The following DCUN1D1 variants were observed in gnomAD, a reference collection of about 807,000 sequenced individuals.
The protein encoded by DCUN1D1 is defective in cullin neddylation 1 domain containing 1.
In DCUN1D1, 3 loss-of-function variants were observed where a neutral mutation model predicts 39.0. The ratio of observed to expected loss-of-function variants is 0.08; its 90% CI spans 0.04 to 0.20. The LOEUF (loss-of-function observed/expected upper bound fraction) is 0.20. Among genes scored for constraint, DCUN1D1 ranks in the 10% least tolerant of loss-of-function variants. The probability of loss-of-function intolerance (pLI) is 1.00; values close to 1 mark genes in which losing one functional copy is unlikely to be tolerated. For missense variants in DCUN1D1, 158 were observed against 302.4 expected (o/e 0.52, Z 3.54); for synonymous variants, 82 against 96.3 (o/e 0.85, Z 0.87).
At position 182,957,281 on chromosome 3, in the gene DCUN1D1, T is replaced by C. The variant is rs943471250; in HGVS notation, c.520+3945A>G. ...GGATGCTACTTTGGGTAGGTTAAATTTTATAGAGGACTTATGAAATCCTTT... is the reference window on the plus strand; with the variant it reads ...GGATGCTACTTTGGGTAGGTTAAATCTTATAGAGGACTTATGAAATCCTTT... On this transcript the variant is annotated intron_variant, in intron 4 of 6. Coordinates refer to ENST00000292782, the MANE Select transcript of DCUN1D1 (RefSeq NM_020640.4). 2.6e-5 allele frequency among the ~76,000 whole-genome samples: 4 copies of C among 152,242 alleles called. 1 individual carries two copies. Among genetic ancestry groups the C allele is most frequent in the Admixed American group, 1.3e-4 (2 of 15,290 alleles).
At chr3:182,956,815 T>C (rs957977189) in intron 4 of DCUN1D1, among the ~76,000 whole-genome samples, 2 of 152,208 alleles carry the variant, frequency 1.3e-5, no homozygotes, top group African/African-American at 4.8e-5. Flanking sequence ...TATATAATCT[T>C]TGATCAAATT....
At chr3:182,978,089 A>T (rs1401942748) in intron 1 of DCUN1D1, among the ~76,000 whole-genome samples, 7 of 151,906 alleles carry the variant, frequency 4.6e-5, no homozygotes, top group Admixed American at 4.6e-4. Context: ...AAGTAACAGA[A>T]TATTATCTAA....
intron 1 of DCUN1D1, among the ~76,000 whole-genome samples, chr3:182,975,948 G>A (rs1007862799): frequency 2.0e-5 from 3 of 150,740 alleles, no homozygotes; most frequent in Non-Finnish European, 4.4e-5. Flanking sequence ...CTAGTAGAGT[G>A]TACCTTCTCG....
At chr3:182,980,431 G>A in intron 1 of DCUN1D1, 56 bp downstream of exon 1, 1 of 1,036,298 alleles carries the variant, frequency 9.6e-7, no homozygotes, top group Non-Finnish European at 1.2e-6. Flanking sequence ...GGGCGGGGGT[G>A]CGCGGCAGCG....
intron 4 of DCUN1D1, among the ~76,000 whole-genome samples, chr3:182,952,759 A>G (rs1396012003): frequency 6.6e-6 from 1 of 152,110 alleles, no homozygotes; most frequent in East Asian, 1.9e-4. Context: ...CTTCCTCATC[A>G]TACACAACCA....
chr3:182,980,642 C>CGGGGAGGCGGAGGGACGG (rs1728500828), upstream of DCUN1D1: 4 of 970,268 alleles, frequency 4.1e-6, no homozygotes, highest in Non-Finnish European at 3.7e-6. Context: ...CCCCGGACCT[C>CGGGGAGGCGGAGGGACGG]GGGGAGGCGG....
In DCUN1D1 at chr3:182,980,484, C is replaced by T; in HGVS notation, c.3+3G>A. The stretch of plus-strand genomic sequence containing the variant: ...GGGCGGGCGGGCGGCCGCAGTGCCT[C>T]ACCATGTTGGTGTCCTCCAGGCCTC... On this transcript the variant is annotated splice_donor_region_variant and intron_variant, in intron 1 of 6. Coordinates refer to ENST00000292782, the MANE Select transcript of DCUN1D1 (RefSeq NM_020640.4). 1 of 1,224,302 alleles carries T rather than the reference C, an allele frequency of 8.2e-7. No individual in the cohort carries two copies. Among genetic ancestry groups the T allele is most frequent in the African/African-American group, 1.6e-5 (1 of 62,372 alleles). 75.8% of individuals were successfully genotyped at this position (1,224,302 alleles called of 1,614,324 possible). A position where few individuals can be genotyped will look rare whatever the true frequency, so the allele number is the denominator to read the frequency against.
At chr3:182,967,430 C>T (rs956715888) in intron 1 of DCUN1D1, among the ~76,000 whole-genome samples, 1 of 152,056 alleles carries the variant, frequency 6.6e-6, no homozygotes. Flanking sequence ...ATACTTCTAC[C>T]GATCACAGTA....
chr3:182,947,221 G>A lies in DCUN1D1; in HGVS notation c.700+17C>T. Reference sequence around the variant, plus strand: ...AGGCACATTAAAAAAAAGTGGTGTGGCAAAAATTTTCATTACCTTCTTCAT... The same window carrying A: ...AGGCACATTAAAAAAAAGTGGTGTGACAAAAATTTTCATTACCTTCTTCAT... On this transcript the variant is annotated intron_variant, in intron 6 of 6. Transcript: ENST00000292782. The A allele has an allele frequency of 4.0e-6, 6 of 1,512,446 alleles. No homozygotes were observed. Among genetic ancestry groups the A allele is most frequent in the Non-Finnish European group, 4.5e-6 (5 of 1,110,078 alleles). The allele number at this position is 1,512,446 out of a possible 1,614,324, so 93.7% of individuals were successfully genotyped here. A position where few individuals can be genotyped will look rare whatever the true frequency, so the allele number is the denominator to read the frequency against.
intron 4 of DCUN1D1, among the ~76,000 whole-genome samples, chr3:182,958,302 G>A (rs1453850609): frequency 6.7e-6 from 1 of 149,990 alleles, no homozygotes; most frequent in East Asian, 1.9e-4. Flanking sequence ...TTTAGTTTTA[G>A]GTTTATGAAA....
At chr3:182,959,514 A>AAC (rs1372943992) in intron 4 of DCUN1D1, among the ~76,000 whole-genome samples, 5 of 150,942 alleles carry the variant, frequency 3.3e-5, no homozygotes, top group Non-Finnish European at 7.4e-5. Context: ...AAAAAAAAAA[A>AAC]AAAAAAAAAA....
In DCUN1D1 at chr3:182,941,628, A is replaced by G. The variant is rs1726137930; in HGVS notation, c.*3466T>C. 1 of 152,152 alleles carries G rather than the reference A, an allele frequency of 6.6e-6. No homozygotes were observed. The highest frequency in any genetic ancestry group is 1.9e-4 in the East Asian group (1 of 5,206). 9.4% of individuals were successfully genotyped at this position (152,152 alleles called of 1,614,324 possible). On this transcript the variant is annotated 3_prime_UTR_variant, in exon 7 of 7. Transcript: ENST00000292782. ...TCTTATGAAAACATCTAAGTATTCAATATAAATCATACTGTTAAAAGTATA... is the reference window on the plus strand; with the variant it reads ...TCTTATGAAAACATCTAAGTATTCAGTATAAATCATACTGTTAAAAGTATA...
chr3:182,978,052 AAC>A (rs1491541280), intron 1 of DCUN1D1, among the ~76,000 whole-genome samples: 6 of 127,222 alleles, frequency 4.7e-5, no homozygotes, highest in East Asian at 4.9e-4. Flanking sequence ...AAAAAAAAAA[AAC>A]AACAACAACA....
intron 3 of DCUN1D1, among the ~76,000 whole-genome samples, chr3:182,962,873 C>G (rs188800491): frequency 8.5e-5 from 13 of 152,202 alleles, no homozygotes; most frequent in Non-Finnish European, 1.9e-4. Flanking sequence ...CTCCGCCTCC[C>G]GGGTTCAAGC....
At chr3:182,962,616 C>G (rs566238444) in intron 3 of DCUN1D1, among the ~76,000 whole-genome samples, 1 of 152,282 alleles carries the variant, frequency 6.6e-6, no homozygotes, top group Non-Finnish European at 1.5e-5. Flanking sequence ...ATCTCCTAAG[C>G]TTCTAAATTT....
intron 1 of DCUN1D1, among the ~76,000 whole-genome samples, chr3:182,970,887 G>C (rs541656666): frequency 6.6e-6 from 1 of 152,166 alleles, no homozygotes; most frequent in Admixed American, 6.5e-5. Context: ...CTACAGGTCC[G>C]AAGTCAAAAG....
At chr3:182,970,510 C>T (rs1727879130) in intron 1 of DCUN1D1, among the ~76,000 whole-genome samples, 1 of 152,030 alleles carries the variant, frequency 6.6e-6, no homozygotes, top group African/African-American at 2.4e-5. Flanking sequence ...CTTGAATTTT[C>T]ACCTTCTCAT....
chr3:182,947,126 G>A, intron 6 of DCUN1D1, 112 bp downstream of exon 6: 1 of 601,244 alleles, frequency 1.7e-6, no homozygotes, highest in Non-Finnish European at 2.8e-6. Flanking sequence ...CAAAACAAAA[G>A]CTCAGCGGAG....
chr3:182,966,333 G>C (rs932575130), intron 1 of DCUN1D1, among the ~76,000 whole-genome samples: 1 of 152,058 alleles, frequency 6.6e-6, no homozygotes, highest in Non-Finnish European at 1.5e-5. Flanking sequence ...CAATAAAATA[G>C]GAGTATTCGA....
Sources: allele counts gnomAD v4.1 joint callset (sites outside exome capture counted in the v4.1 genomes callset), GRCh38; gene constraint gnomAD v4.1.1; transcripts MANE v1.5; gene names NCBI Gene and HGNC (gene_info 2026-07-23, HGNC 2026-07-21).